BPNT2: variants seen among roughly 807,000 people sequenced by gnomAD.
BPNT2 encodes Golgi-resident adenosine 3',5'-bisphosphate 3'-phosphatase.
A neutral mutation model predicts 29.3 loss-of-function variants in BPNT2; 11 were observed. The observed-to-expected ratio is 0.38, with a 90% confidence interval of 0.24 to 0.62. The LOEUF (loss-of-function observed/expected upper bound fraction) is 0.62, where lower values mean the gene tolerates loss of function less well. Ranked by LOEUF, BPNT2 falls within the 20% of genes least tolerant of loss-of-function variation. The pLI, the probability that BPNT2 is intolerant of heterozygous loss-of-function variation, is 0.62. For synonymous variants in BPNT2, 195 were observed against 187.7 expected (o/e 1.04, Z -0.32); for missense variants, 459 against 473.4 (o/e 0.97, Z 0.28).
intron 1 of BPNT2, among the ~76,000 whole-genome samples, chr8:56,992,142 AT>A (rs1806427330): frequency 6.6e-6 from 1 of 152,226 alleles, no homozygotes; most frequent in Admixed American, 6.5e-5. Flanking sequence ...TGCAAAATAC[AT>A]AACTAAACAA....
intron 1 of BPNT2, among the ~76,000 whole-genome samples, chr8:56,980,630 CCTTT>C (rs1453196740): frequency 1.3e-5 from 2 of 150,156 alleles, no homozygotes; most frequent in African/African-American, 4.9e-5. Context: ...AAATTTTCTA[CCTTT>C]TTTTTTTTAA....
intron 3 of BPNT2, among the ~76,000 whole-genome samples, chr8:56,968,521 T>G (rs1013619858): frequency 6.6e-6 from 1 of 152,144 alleles, no homozygotes; most frequent in Admixed American, 6.5e-5. Context: ...AAGAGAACCT[T>G]AGTCTGGGCT....
intron 1 of BPNT2, among the ~76,000 whole-genome samples, chr8:56,985,183 C>T (rs973694776): frequency 1.3e-5 from 2 of 152,036 alleles, no homozygotes; most frequent in South Asian, 2.1e-4. Flanking sequence ...TCAGCTAGAA[C>T]GTAAATTCTG....
Position 56,972,012 on chromosome 8 carries a change from G to A in BPNT2, c.647-5660C>T, listed in dbSNP as rs531373091. Among the ~76,000 whole-genome samples, 14 of 149,592 alleles carry A rather than the reference G, an allele frequency of 9.4e-5. No homozygotes were observed. The South Asian group carries it at 1.3e-3, about 14-fold the overall frequency. On this transcript the variant is annotated intron_variant, in intron 3 of 4. Coordinates refer to ENST00000262644, the MANE Select transcript of BPNT2 (RefSeq NM_017813.5). ...CGGGAGGCTGAGGCAGGAGAATGGC[G>A]TGAACCTGGGAGGTGGAGCCTGCAG...
rs986682410 is a variant in BPNT2 at position 56,960,584 on chromosome 8, T to C, written c.*3209A>G. On this transcript the variant is annotated 3_prime_UTR_variant, in exon 5 of 5. Coordinates refer to ENST00000262644, the MANE Select transcript of BPNT2 (RefSeq NM_017813.5). ...AAAATAAAGAAAGAAACACTAAAAT[T>C]GGGGTAGCACATACCAAGACAAACA... 3 of 152,170 alleles carry C rather than the reference T, an allele frequency of 2.0e-5. No individual in the cohort carries two copies. Among genetic ancestry groups the C allele is most frequent in the African/African-American group, 7.2e-5 (3 of 41,444 alleles). 9.4% of individuals were successfully genotyped at this position (152,170 alleles called of 1,614,324 possible). A position where few individuals can be genotyped will look rare whatever the true frequency, so the allele number is the denominator to read the frequency against.
At chr8:56,987,979 C>T (rs754265664) in intron 1 of BPNT2, among the ~76,000 whole-genome samples, 5 of 152,112 alleles carry the variant, frequency 3.3e-5, no homozygotes, top group African/African-American at 4.8e-5. Flanking sequence ...CCACCCGCCT[C>T]GGCCTCCCAA....
chr8:56,970,195 A>G (rs1179294233), intron 3 of BPNT2, among the ~76,000 whole-genome samples: 1 of 152,338 alleles, frequency 6.6e-6, no homozygotes, highest in East Asian at 1.9e-4. Flanking sequence ...TTTGTAACTA[A>G]GAGATCAGGT....
Position 56,993,419 on chromosome 8 carries a change from G to T in BPNT2, c.167C>A (p.Ala56Asp). Reference sequence around the variant, plus strand: ...GCGCAAGTCCACGGTGCCCCCATCGGCCGCGGCCGCGGGCCCCGCCGCGCC... The same window carrying T: ...GCGCAAGTCCACGGTGCCCCCATCGTCCGCGGCCGCGGGCCCCGCCGCGCC... ...GGGAAGPAAA[A>D]DGGTVDLREM... Residue 56 changes from alanine (A) to aspartate (D), a missense_variant, in exon 1 of 5, where the codon GCC becomes GAC. By Grantham distance (126) the Ala-to-Asp change is moderately radical. Transcript: ENST00000262644. The T allele has an allele frequency of 6.6e-7, 1 of 1,526,298 alleles. No individual in the cohort carries two copies. Among genetic ancestry groups the T allele is most frequent in the East Asian group, 2.6e-5 (1 of 38,266 alleles). 94.5% of individuals were successfully genotyped at this position (1,526,298 alleles called of 1,614,324 possible). A position where few individuals can be genotyped will look rare whatever the true frequency, so the allele number is the denominator to read the frequency against.
chr8:56,976,295 G>T (rs1042559479), intron 3 of BPNT2, among the ~76,000 whole-genome samples: 1 of 152,156 alleles, frequency 6.6e-6, no homozygotes, highest in African/African-American at 2.4e-5. Flanking sequence ...TGGCAGTCAT[G>T]GGCTGCTTAT....
At position 56,993,537 on chromosome 8, in the gene BPNT2, A is replaced by C. The variant is rs759502337; in HGVS notation, c.49T>G (p.Cys17Gly). Residue 17 changes from cysteine to glycine, a missense_variant, in exon 1 of 5, where the codon TGC (cysteine) becomes GGC (glycine). Coordinates refer to ENST00000262644, the MANE Select transcript of BPNT2 (RefSeq NM_017813.5). ...RLSPLGVAVF[C>G]LLGLGVLYHL... ...TAGAGCACGCCGAGCCCCAGCAGGC[A>C]AAACACTGCCACCCCCAGTGGGGAA... 4.0e-6 allele frequency: 6 copies of C among 1,492,630 alleles called. No individual in the cohort carries two copies. The African/African-American group carries it at 7.3e-5, about 18-fold the overall frequency. The allele number at this position is 1,492,630 out of a possible 1,614,324, so 92.5% of individuals were successfully genotyped here. A position where few individuals can be genotyped will look rare whatever the true frequency, so the allele number is the denominator to read the frequency against.
chr8:56,992,070 G>A (rs1806425174), intron 1 of BPNT2, among the ~76,000 whole-genome samples: 1 of 152,068 alleles, frequency 6.6e-6, no homozygotes, highest in Non-Finnish European at 1.5e-5. Context: ...AGAAAAGGGA[G>A]GAAGAGAGGA....
chr8:56,966,119 A>C lies in BPNT2; in HGVS notation c.808+72T>G, dbSNP rs1207049370. ...CTTTCCTCCCAAGCATGGACAAGCAAATTAGTCTCCTAACATAGCCTTGAC... is the reference window on the plus strand; with the variant it reads ...CTTTCCTCCCAAGCATGGACAAGCACATTAGTCTCCTAACATAGCCTTGAC... On this transcript the variant is annotated intron_variant, in intron 4 of 4. Coordinates refer to ENST00000262644, the MANE Select transcript of BPNT2 (RefSeq NM_017813.5). 15 of 1,530,926 alleles carry C rather than the reference A, an allele frequency of 9.8e-6. No individual in the cohort carries two copies. The East Asian group carries it at 3.4e-4, about 34-fold the overall frequency. The allele number at this position is 1,530,926 out of a possible 1,614,324, so 94.8% of individuals were successfully genotyped here. A position where few individuals can be genotyped will look rare whatever the true frequency, so the allele number is the denominator to read the frequency against.
At chr8:56,983,389 G>A (rs1347876190) in intron 1 of BPNT2, among the ~76,000 whole-genome samples, 2 of 152,264 alleles carry the variant, frequency 1.3e-5, no homozygotes, top group East Asian at 3.9e-4. Context: ...AAGATCCTAA[G>A]GTGGGAATGT....
chr8:56,993,549 C>T lies in BPNT2; in HGVS notation c.37G>A (p.Val13Met). Residue 13 changes from valine (V) to methionine (M), a missense_variant, in exon 1 of 5, where the codon GTG (valine) becomes ATG (methionine). Transcript: ENST00000262644. Reference protein sequence around the residue: ...PMGIRLSPLGVAVFCLLGLGV... With the variant: ...PMGIRLSPLGMAVFCLLGLGV... ...AGCCCCAGCAGGCAAAACACTGCCA[C>T]CCCCAGTGGGGAAAGGCGGATGCCC... The T allele has an allele frequency of 6.7e-7, 1 of 1,483,528 alleles. No individual in the cohort carries two copies. Among genetic ancestry groups the T allele is most frequent in the Non-Finnish European group, 9.0e-7 (1 of 1,116,188 alleles). 91.9% of individuals were successfully genotyped at this position (1,483,528 alleles called of 1,614,324 possible). A position where few individuals can be genotyped will look rare whatever the true frequency, so the allele number is the denominator to read the frequency against.
intron 1 of BPNT2, among the ~76,000 whole-genome samples, chr8:56,991,868 A>C (rs1459459348): frequency 6.6e-6 from 1 of 152,220 alleles, no homozygotes; most frequent in Admixed American, 6.5e-5. Context: ...CACACCTTAC[A>C]TCTAGATGCA....
At chr8:56,967,198 G>C (rs1416639169) in intron 3 of BPNT2, 1 of 456,278 alleles carries the variant, frequency 2.2e-6, no homozygotes, top group Admixed American at 2.3e-5. Context: ...GAAACCAGCT[G>C]CATCACCAGC....
Position 56,964,122 on chromosome 8 carries a change from AC to A in BPNT2, c.809-59del, listed in dbSNP as rs1805896984. ...TCAAAAAATTTTAAGAAAGTAGCATACTTTTTTGATTAAGTATCCTGTTAAA... is the reference window on the plus strand; with the variant it reads ...TCAAAAAATTTTAAGAAAGTAGCATATTTTTTGATTAAGTATCCTGTTAAA... On this transcript the variant is annotated intron_variant, in intron 4 of 4. Coordinates refer to ENST00000262644, the MANE Select transcript of BPNT2 (RefSeq NM_017813.5). 1.4e-5 allele frequency: 18 copies of A among 1,293,318 alleles called. No homozygotes were observed. In the East Asian group the frequency reaches 4.0e-4, roughly 29 times the overall value. The allele number at this position is 1,293,318 out of a possible 1,614,324, so 80.1% of individuals were successfully genotyped here. A position where few individuals can be genotyped will look rare whatever the true frequency, so the allele number is the denominator to read the frequency against.
At chr8:56,980,664 G>C (rs7018231) in intron 1 of BPNT2, among the ~76,000 whole-genome samples, 149,470 of 150,814 alleles carry the variant, frequency 0.99, 74,071 homozygotes, top group East Asian at 1. Flanking sequence ...AAAATTAAAA[G>C]ATAAAATAAA....
rs1805836404 is a variant in BPNT2 at position 56,961,630 on chromosome 8, G to C, written c.*2163C>G. ...AGGTGGGCGGATCACCTGAGGTCGG[G>C]AGTTCGAGACCAGCCTGACCAACAT... On this transcript the variant is annotated 3_prime_UTR_variant, in exon 5 of 5. Transcript: ENST00000262644. The C allele has an allele frequency of 6.6e-6, 1 of 152,086 alleles. No homozygotes were observed. Among genetic ancestry groups the C allele is most frequent in the Non-Finnish European group, 1.5e-5 (1 of 68,048 alleles). The allele number at this position is 152,086 out of a possible 1,614,324, so 9.4% of individuals were successfully genotyped here.
Sources: allele counts gnomAD v4.1 joint callset (sites outside exome capture counted in the v4.1 genomes callset), GRCh38; gene constraint gnomAD v4.1.1; transcripts MANE v1.5; gene names NCBI Gene and HGNC (gene_info 2026-07-23, HGNC 2026-07-21).